PITPNC1: variants seen among roughly 807,000 people sequenced by gnomAD.
PITPNC1 encodes cytoplasmic phosphatidylinositol transfer protein 1.
PITPNC1 carries 18 observed loss-of-function variants against 44.7 expected under a neutral mutation model. The ratio of observed to expected loss-of-function variants is 0.40; its 90% CI spans 0.28 to 0.60. The LOEUF is 0.60. Among genes scored for constraint, PITPNC1 ranks in the 20% least tolerant of loss-of-function variants. PITPNC1 has a pLI of 0.39. For missense variants in PITPNC1, 290 were observed against 418.4 expected (o/e 0.69, Z 2.68); for synonymous variants, 141 against 149.6 (o/e 0.94, Z 0.42).
intron 1 of PITPNC1, among the ~76,000 whole-genome samples, chr17:67,436,908 GTTTT>G (rs1044625193): frequency 2.9e-5 from 2 of 68,418 alleles, no homozygotes; most frequent in African/African-American, 5.8e-5. Context: ...AAATAGGGGT[GTTTT>G]TTTTTTTTTT....
chr17:67,451,608 A>G (rs1470415927), intron 1 of PITPNC1, among the ~76,000 whole-genome samples: 1 of 149,302 alleles, frequency 6.7e-6, no homozygotes, highest in Admixed American at 6.7e-5. Context: ...ATTATACAAC[A>G]TGTAGTCCTT....
chr17:67,605,516 C>T (rs577942222), intron 5 of PITPNC1, among the ~76,000 whole-genome samples: 62 of 152,302 alleles, frequency 4.1e-4, no homozygotes, highest in African/African-American at 1.5e-3. Context: ...GAAAACCTCC[C>T]GACCTTTCCT....
intron 1 of PITPNC1, among the ~76,000 whole-genome samples, chr17:67,390,300 AAGGCCAGCTAC>A (rs554671014): frequency 3.9e-5 from 6 of 152,316 alleles, no homozygotes; most frequent in Admixed American, 3.3e-4. Context: ...TAGCTGCCCT[AAGGCCAGCTAC>A]AGGGCTGCAG....
intron 1 of PITPNC1, among the ~76,000 whole-genome samples, chr17:67,379,978 T>C (rs1178171820): frequency 1.3e-5 from 2 of 152,202 alleles, no homozygotes; most frequent in East Asian, 1.9e-4. Flanking sequence ...CTTTTGTTTT[T>C]GTACCGAAAT....
At chr17:67,576,771 C>T (rs2041155294) in intron 4 of PITPNC1, among the ~76,000 whole-genome samples, 1 of 152,146 alleles carries the variant, frequency 6.6e-6, no homozygotes, top group Non-Finnish European at 1.5e-5. Flanking sequence ...CTCGTGTGGA[C>T]AAAGACAAAG....
intron 1 of PITPNC1, among the ~76,000 whole-genome samples, chr17:67,523,352 TGGAACCCGC>T (rs2144111708): frequency 6.6e-6 from 1 of 152,352 alleles, no homozygotes; most frequent in South Asian, 2.1e-4. Context: ...TTATACTTTC[TGGAACCCGC>T]AGCATAACAG....
At chr17:67,396,432 C>T (rs966472154) in intron 1 of PITPNC1, among the ~76,000 whole-genome samples, 9 of 149,926 alleles carry the variant, frequency 6.0e-5, no homozygotes, top group African/African-American at 1.5e-4. Flanking sequence ...AGTGCAGTGG[C>T]GTGATCTCAG....
rs752328459 is a variant in PITPNC1, at chr17:67,692,764, A to G, written c.875A>G (p.Lys292Arg). The G allele has an allele frequency of 1.2e-5, 19 of 1,613,756 alleles. No individual in the cohort carries two copies. In the East Asian group the frequency reaches 4.0e-4, roughly 34 times the overall value. ...GCACCCGAATTTCTGTCCGTTCCCA[A>G]AGATCGGCCCCGGAAAAAGTCTGCC... ...TDAPEFLSVP[K>R]DRPRKKSAPE... The change falls in exon 9 of 9, where the codon AAA becomes AGA. Residue 292 changes from lysine to arginine, a missense_variant. Physicochemically the swap from Lys to Arg is conservative, Grantham distance 26 (BLOSUM62 2). Transcript: ENST00000581322.
intron 2 of PITPNC1, among the ~76,000 whole-genome samples, chr17:67,547,891 G>A (rs1249519153): frequency 6.6e-6 from 1 of 152,196 alleles, no homozygotes; most frequent in Non-Finnish European, 1.5e-5. Flanking sequence ...TGACATGAGA[G>A]ATGATCTGCC....
intron 4 of PITPNC1, among the ~76,000 whole-genome samples, chr17:67,566,148 T>C (rs1189015432): frequency 6.6e-6 from 1 of 152,170 alleles, no homozygotes; most frequent in East Asian, 1.9e-4. Flanking sequence ...ATGTGTTTTT[T>C]TGTAATATTT....
rs1418527849 is a variant in PITPNC1, at chr17:67,676,165, C to T, written c.682+623C>T. On this transcript the variant is annotated intron_variant, in intron 8 of 8. Coordinates refer to ENST00000581322, the MANE Select transcript of PITPNC1 (RefSeq NM_012417.4). This position sits in a 1 kb window ranked among gnomAD's most constrained non-coding sequence, Gnocchi z 4.0. ...GAGTTTGCAGTGAGCCGAGATCGCA[C>T]CACTGCACTCCAGCCTGGGGGACAG... 6.6e-6 allele frequency among the ~76,000 whole-genome samples: 1 copy of T among 151,642 alleles called. No homozygotes were observed. The highest frequency in any genetic ancestry group is 6.6e-5 in the Admixed American group (1 of 15,238).
At chr17:67,394,413 G>A (rs528875114) in intron 1 of PITPNC1, among the ~76,000 whole-genome samples, 1 of 152,292 alleles carries the variant, frequency 6.6e-6, no homozygotes, top group Non-Finnish European at 1.5e-5. Flanking sequence ...GTAGGAAAAT[G>A]CTTCTCAGAT....
intron 6 of PITPNC1, among the ~76,000 whole-genome samples, chr17:67,659,432 A>G (rs567839960): frequency 2.8e-4 from 43 of 152,348 alleles, no homozygotes; most frequent in South Asian, 1.4e-3. Flanking sequence ...CCACATGGCT[A>G]GCTTGGGCCT....
At chr17:67,512,292 A>C (rs1185097130) in intron 1 of PITPNC1, among the ~76,000 whole-genome samples, 4 of 152,166 alleles carry the variant, frequency 2.6e-5, no homozygotes, top group Non-Finnish European at 5.9e-5. Flanking sequence ...TGAGGTCAGG[A>C]GTTTGAGGCC....
chr17:67,509,557 T>TA (rs968819063), intron 1 of PITPNC1, among the ~76,000 whole-genome samples: 17 of 135,104 alleles, frequency 1.3e-4, no homozygotes, highest in African/African-American at 4.9e-4. Flanking sequence ...TAAATTGAAT[T>TA]AAAAATAAAT....
chr17:67,445,530 A>C (rs1310085255), intron 1 of PITPNC1, among the ~76,000 whole-genome samples: 1 of 149,676 alleles, frequency 6.7e-6, no homozygotes. Context: ...TCTGTCTCTC[A>C]ATGTACTTTC....
chr17:67,661,920 G>A (rs149640552), intron 6 of PITPNC1, among the ~76,000 whole-genome samples: 56 of 151,116 alleles, frequency 3.7e-4, no homozygotes, highest in East Asian at 2.8e-3. Context: ...GCTTGAACCC[G>A]GGAGGTGGAG....
At chr17:67,628,309 G>A (rs1423684165) in intron 5 of PITPNC1, among the ~76,000 whole-genome samples, 1 of 152,028 alleles carries the variant, frequency 6.6e-6, no homozygotes, top group African/African-American at 2.4e-5. Flanking sequence ...ACCTCTCAAG[G>A]GCTATCTTTG....
chr17:67,463,333 T>G (rs757157929), intron 1 of PITPNC1, among the ~76,000 whole-genome samples: 15 of 152,194 alleles, frequency 9.9e-5, no homozygotes, highest in Non-Finnish European at 1.5e-4. Context: ...TGTGCATTAT[T>G]GATTAATCAC....
Sources: gnomAD v4.1 joint callset for allele counts (sites outside exome capture counted in the v4.1 genomes callset) on GRCh38, gnomAD v4.1.1 for gene constraint, Gnocchi (gnomAD v3.1) non-coding constraint, MANE v1.5 for transcripts, NCBI Gene and HGNC (gene_info 2026-07-23, HGNC 2026-07-21) for gene names.